The following APP variants were observed in gnomAD, a reference collection of about 807,000 sequenced individuals.
The protein encoded by APP is amyloid-beta precursor protein.
APP carries 31 observed loss-of-function variants against 101.4 expected under a neutral mutation model. That is an observed-to-expected ratio of 0.31 (90% CI 0.23 to 0.41). The LOEUF is 0.41. APP is among the 10% of genes least tolerant of loss of function. APP has a pLI of 1.00. For synonymous variants in APP, 366 were observed against 364.4 expected (o/e 1.00, Z -0.05); for missense variants, 839 against 1,003.7 (o/e 0.84, Z 2.22).
intron 1 of APP, chr21:26,169,189 T>C (rs2146408851): frequency 6.6e-6 from 1 of 152,372 alleles, no homozygotes; most frequent in Middle Eastern, 3.4e-3. Context: ...GTTCGAGAGT[T>C]GGATGAATGG....
chr21:25,901,217 T>C (rs9979322), intron 15 of APP, among the ~76,000 whole-genome samples: 2 of 150,356 alleles, frequency 1.3e-5, no homozygotes, highest in Non-Finnish European at 2.9e-5. Context: ...AGGATAGCTT[T>C]AGCCCAGGAA....
chr21:26,056,214 T>C (rs1489805282), intron 3 of APP, among the ~76,000 whole-genome samples: 3 of 152,112 alleles, frequency 2.0e-5, no homozygotes, highest in Non-Finnish European at 4.4e-5. Flanking sequence ...ATTATTTCAC[T>C]TTTTGCAGAG....
At chr21:26,028,308 A>C (rs1175655887) in intron 5 of APP, among the ~76,000 whole-genome samples, 3 of 152,200 alleles carry the variant, frequency 2.0e-5, no homozygotes, top group Non-Finnish European at 4.4e-5. Context: ...ACTTATTCTG[A>C]GTGAGACAAT....
intron 5 of APP, among the ~76,000 whole-genome samples, chr21:26,024,001 G>A (rs879869302): frequency 6.6e-6 from 1 of 152,134 alleles, no homozygotes; most frequent in Non-Finnish European, 1.5e-5. Flanking sequence ...AAATTTGGAT[G>A]GCAAAAGAAG....
At chr21:26,045,074 T>G (rs188772527) in intron 5 of APP, among the ~76,000 whole-genome samples, 1 of 152,218 alleles carries the variant, frequency 6.6e-6, no homozygotes, top group Admixed American at 6.5e-5. Context: ...CAGGAATCTC[T>G]CTAAGGTGAT....
In APP at chr21:25,975,151, G is replaced by A. The variant is rs1179899870; in HGVS notation, c.1377C>T (p.Ala459=). ...GGTCATTGAGCATGGCTTCCACTCT[G>A]GCCATGTGTGTCTCCACCAGCTGCT... is the stretch of plus-strand genomic sequence containing the variant. The part of the protein sequence containing the change: ...ERQQLVETHM[A]RVEAMLNDRR... Residue 459 remains alanine (A), a synonymous_variant, in exon 11 of 18, where the codon GCC becomes GCT. Coordinates refer to ENST00000346798, the MANE Select transcript of APP (RefSeq NM_000484.4). 2 of 1,613,904 alleles carry A rather than the reference G, an allele frequency of 1.2e-6. No homozygotes were observed. The highest frequency in any genetic ancestry group is 2.7e-5 in the African/African-American group (2 of 74,858).
At chr21:26,170,015 G>A (rs1276777115) in intron 1 of APP, among the ~76,000 whole-genome samples, 1 of 152,192 alleles carries the variant, frequency 6.6e-6, no homozygotes, top group Non-Finnish European at 1.5e-5. Flanking sequence ...GCAAGGAAGG[G>A]GGATGGGGGT....
intron 2 of APP, among the ~76,000 whole-genome samples, chr21:26,106,395 T>C (rs184391084): frequency 2.6e-5 from 4 of 152,264 alleles, no homozygotes; most frequent in Non-Finnish European, 1.5e-5. Flanking sequence ...TTAGGGGGTT[T>C]TTATCACCTG....
At chr21:26,113,372 C>T (rs886794934) in intron 1 of APP, among the ~76,000 whole-genome samples, 1 of 152,190 alleles carries the variant, frequency 6.6e-6, no homozygotes. Context: ...CCAAACATTT[C>T]TTCCCACATA....
chr21:25,987,126 G>A (rs1474599633), intron 8 of APP, among the ~76,000 whole-genome samples: 3 of 152,204 alleles, frequency 2.0e-5, no homozygotes, highest in Non-Finnish European at 4.4e-5. Context: ...TATGATGTCC[G>A]TTGGCTTGTT....
chr21:26,036,790 C>A (rs1344611158), intron 5 of APP, among the ~76,000 whole-genome samples: 1 of 152,112 alleles, frequency 6.6e-6, no homozygotes, highest in Non-Finnish European at 1.5e-5. Context: ...CCTCAAAAAA[C>A]TAAAAATAGA....
rs570450911 is a variant in APP, at chr21:25,969,587, A to T, written c.1458+5483T>A. 6.1e-4 allele frequency among the ~76,000 whole-genome samples: 92 copies of T among 152,030 alleles called. 1 individual carries two copies. The highest frequency in any genetic ancestry group is 1.1e-3 in the Non-Finnish European group (74 of 67,988). On this transcript the variant is annotated intron_variant, in intron 11 of 17. Transcript: ENST00000346798. ...AGTCATGGTGGCTCATGCCTGTAATATCAGCACTTTAAAAAGCCGAGGTGA... is the reference window on the plus strand; with the variant it reads ...AGTCATGGTGGCTCATGCCTGTAATTTCAGCACTTTAAAAAGCCGAGGTGA...
intron 9 of APP, among the ~76,000 whole-genome samples, chr21:25,979,367 T>A (rs1406625717): frequency 6.6e-6 from 1 of 152,228 alleles, no homozygotes; most frequent in Non-Finnish European, 1.5e-5. Context: ...CACAAAGGTA[T>A]CAATTTCATT....
intron 1 of APP, among the ~76,000 whole-genome samples, chr21:26,150,791 A>G (rs1390101670): frequency 6.6e-6 from 1 of 152,240 alleles, no homozygotes; most frequent in African/African-American, 2.4e-5. Flanking sequence ...TTTCCATATT[A>G]TATCAATATT....
At chr21:26,008,083 C>T (rs943761462) in intron 6 of APP, among the ~76,000 whole-genome samples, 10 of 152,088 alleles carry the variant, frequency 6.6e-5, no homozygotes, top group African/African-American at 1.4e-4. Context: ...TAATTTGTCA[C>T]GGAAGTAACT....
In APP at chr21:25,952,187, T is replaced by TATAC. The variant is rs1555901886; in HGVS notation, c.1687+2402_1687+2403insGTAT. On this transcript the variant is annotated intron_variant, in intron 13 of 17. Coordinates refer to ENST00000346798, the MANE Select transcript of APP (RefSeq NM_000484.4). ...ATGGGTGGATTGAGAGCATATTACATACATACACACACACACACACACACA... is the reference window on the plus strand; with the variant it reads ...ATGGGTGGATTGAGAGCATATTACATATACACATACACACACACACACACACACA... Among the ~76,000 whole-genome samples the TATAC allele has an allele frequency of 3.4e-3, 376 of 111,196 alleles. 2 individuals carry two copies. Among genetic ancestry groups the TATAC allele is most frequent in the African/African-American group, 0.01 (360 of 34,428 alleles). The allele number at this position is 111,196 out of a possible 152,430, so 72.9% of individuals were successfully genotyped here.
intron 2 of APP, among the ~76,000 whole-genome samples, chr21:26,098,364 C>G (rs1045211142): frequency 1.2e-4 from 18 of 151,748 alleles, no homozygotes; most frequent in Admixed American, 9.2e-4. Flanking sequence ...TGATCTCAGA[C>G]AAGATGACAT....
At chr21:25,967,469 A>T (rs2041839639) in intron 11 of APP, among the ~76,000 whole-genome samples, 1 of 152,216 alleles carries the variant, frequency 6.6e-6, no homozygotes, top group Non-Finnish European at 1.5e-5. Context: ...AAAACACCAA[A>T]AATCTCAGAA....
chr21:26,003,170 C>T (rs200750645), intron 6 of APP, among the ~76,000 whole-genome samples: 18 of 152,348 alleles, frequency 1.2e-4, no homozygotes, highest in Admixed American at 3.3e-4. Flanking sequence ...ATAGCTAATT[C>T]GTAGAAGCCA....
Sources: allele counts gnomAD v4.1 joint callset (sites outside exome capture counted in the v4.1 genomes callset), GRCh38; gene constraint gnomAD v4.1.1; transcripts MANE v1.5; gene names NCBI Gene and HGNC (gene_info 2026-07-23, HGNC 2026-07-21).